Variants in NUBPL observed in about 807,000 individuals in gnomAD.
NUBPL encodes the protein iron-sulfur cluster transfer protein NUBPL.
In NUBPL, 31 loss-of-function variants were observed where a neutral mutation model predicts 45.7. The observed-to-expected ratio is 0.68, with a 90% CI of 0.51 to 0.92. NUBPL has a LOEUF of 0.92. NUBPL is among the 40% of genes least tolerant of loss of function. NUBPL has a pLI of 0.00. For synonymous variants in NUBPL, 144 were observed against 140.9 expected (o/e 1.02, Z -0.15); for missense variants, 401 against 398.7 (o/e 1.01, Z -0.05).
intron 6 of NUBPL, among the ~76,000 whole-genome samples, chr14:31,679,596 C>A (rs529104659): frequency 1.3e-5 from 2 of 152,116 alleles, no homozygotes; most frequent in African/African-American, 4.8e-5. Context: ...TCTGGATATG[C>A]AGTTGTGCTC....
At chr14:31,623,850 A>G (rs1393889730) in intron 4 of NUBPL, among the ~76,000 whole-genome samples, 1 of 152,178 alleles carries the variant, frequency 6.6e-6, no homozygotes, top group Non-Finnish European at 1.5e-5. Flanking sequence ...TTTGAGGTTG[A>G]GTTGCAAGAG....
At chr14:31,740,787 G>A (rs2038265568) in intron 6 of NUBPL, among the ~76,000 whole-genome samples, 1 of 152,104 alleles carries the variant, frequency 6.6e-6, no homozygotes, top group African/African-American at 2.4e-5. Context: ...TGGAGATTCT[G>A]TTCTGGTTCC....
intron 9 of NUBPL, among the ~76,000 whole-genome samples, chr14:31,846,836 G>A (rs2040461104): frequency 6.6e-6 from 1 of 151,992 alleles, no homozygotes; most frequent in Non-Finnish European, 1.5e-5. Flanking sequence ...GGCGCCTGCA[G>A]TCCCAGCTAC....
intron 8 of NUBPL, among the ~76,000 whole-genome samples, chr14:31,840,628 T>C (rs1438344589): frequency 1.3e-5 from 2 of 150,406 alleles, no homozygotes; most frequent in African/African-American, 2.4e-5. Context: ...TGGATGAACC[T>C]GGAGGACATT....
intron 4 of NUBPL, among the ~76,000 whole-genome samples, chr14:31,651,765 G>C (rs548394038): frequency 2.7e-4 from 41 of 152,062 alleles, no homozygotes; most frequent in African/African-American, 8.9e-4. Flanking sequence ...CAGGTGTGGT[G>C]GTGGGTGCCT....
At chr14:31,676,460 T>C (rs973829701) in intron 6 of NUBPL, among the ~76,000 whole-genome samples, 1 of 152,124 alleles carries the variant, frequency 6.6e-6, no homozygotes, top group Admixed American at 6.5e-5. Flanking sequence ...AAAATGTTTT[T>C]TTTTTCTGTT....
chr14:31,838,942 A>G (rs867012697), intron 8 of NUBPL, among the ~76,000 whole-genome samples: 1 of 152,140 alleles, frequency 6.6e-6, no homozygotes, highest in South Asian at 2.1e-4. Context: ...TAGAGCTTCT[A>G]TGGAGTTAGA....
chr14:31,619,828 C>T (rs1287207620), intron 4 of NUBPL, among the ~76,000 whole-genome samples: 2 of 152,044 alleles, frequency 1.3e-5, no homozygotes, highest in South Asian at 2.1e-4. Flanking sequence ...TGAATGTTGG[C>T]CTGCCTTGCT....
intron 4 of NUBPL, among the ~76,000 whole-genome samples, chr14:31,653,905 C>T (rs982358711): frequency 5.3e-5 from 8 of 152,178 alleles, no homozygotes; most frequent in South Asian, 2.1e-4. Flanking sequence ...TCCTCTGCTG[C>T]GGCTCCAGCT....
At chr14:31,683,568 G>A (rs2036885636) in intron 6 of NUBPL, among the ~76,000 whole-genome samples, 1 of 151,776 alleles carries the variant, frequency 6.6e-6, no homozygotes, top group Non-Finnish European at 1.5e-5. Flanking sequence ...GGCTAGGATG[G>A]TCTCGATCTC....
intron 6 of NUBPL, among the ~76,000 whole-genome samples, chr14:31,699,611 C>T (rs1433097250): frequency 7.5e-6 from 1 of 133,682 alleles, no homozygotes; most frequent in Non-Finnish European, 1.8e-5. Flanking sequence ...AGATTGAAAA[C>T]ACTCTTTTTA....
intron 6 of NUBPL, among the ~76,000 whole-genome samples, chr14:31,718,408 G>A (rs959011438): frequency 6.6e-6 from 1 of 152,058 alleles, no homozygotes; most frequent in Non-Finnish European, 1.5e-5. Flanking sequence ...CATCTAAATG[G>A]AAAAATGCTT....
chr14:31,608,902 G>T (rs2034676904), intron 4 of NUBPL, among the ~76,000 whole-genome samples: 1 of 152,020 alleles, frequency 6.6e-6, no homozygotes, highest in Non-Finnish European at 1.5e-5. Context: ...AAGCCTCATG[G>T]TAACCTCAAA....
At chr14:31,854,199 T>C (rs1246673119) in intron 10 of NUBPL, among the ~76,000 whole-genome samples, 1 of 152,220 alleles carries the variant, frequency 6.6e-6, no homozygotes, top group East Asian at 1.9e-4. Context: ...TTACCATTCA[T>C]TCCCTGTTGC....
intron 4 of NUBPL, among the ~76,000 whole-genome samples, chr14:31,662,575 G>C (rs1323890013): frequency 6.6e-6 from 1 of 152,040 alleles, no homozygotes; most frequent in Non-Finnish European, 1.5e-5. Flanking sequence ...GCGGTGTTTG[G>C]TGTTTTTGTT....
At chr14:31,613,475 G>A (rs1281761026) in intron 4 of NUBPL, among the ~76,000 whole-genome samples, 3 of 150,546 alleles carry the variant, frequency 2.0e-5, no homozygotes, top group Admixed American at 6.6e-5. Context: ...TTTTTGAGGT[G>A]GAGTCTCGCT....
intron 6 of NUBPL, among the ~76,000 whole-genome samples, chr14:31,706,046 A>G (rs1595522026): frequency 6.6e-6 from 1 of 152,270 alleles, no homozygotes; most frequent in African/African-American, 2.4e-5. Flanking sequence ...GGGCCCCCAT[A>G]GCGCATCGGC....
chr14:31,793,821 TA>T (rs980308247), intron 7 of NUBPL, among the ~76,000 whole-genome samples: 11 of 101,204 alleles, frequency 1.1e-4, no homozygotes, highest in African/African-American at 3.6e-4. Flanking sequence ...TGTGCCCCCT[TA>T]TCTTTCTTTT....
At chr14:31,767,045 A>T (rs2038925516) in intron 6 of NUBPL, among the ~76,000 whole-genome samples, 2 of 152,262 alleles carry the variant, frequency 1.3e-5, no homozygotes, top group South Asian at 4.1e-4. Flanking sequence ...GCAAAATCCA[A>T]ACAGAAGATA....
Sources: gnomAD v4.1 joint callset for allele counts (sites outside exome capture counted in the v4.1 genomes callset) on GRCh38, gnomAD v4.1.1 for gene constraint, MANE v1.5 for transcripts, NCBI Gene and HGNC (gene_info 2026-07-23, HGNC 2026-07-21) for gene names.